The following COX7B2 variants were observed in gnomAD, a reference collection of about 807,000 sequenced individuals.
COX7B2 encodes cytochrome c oxidase subunit 7B2, also known as cytochrome c oxidase subunit 7B2, mitochondrial.
For missense variants in COX7B2, 109 were observed against 95.9 expected, an observed-to-expected ratio of 1.14 and a Z score of -0.57; for synonymous variants, 37 against 32.1, an observed-to-expected ratio of 1.15 and a Z score of -0.51.
Position 46,824,945 on chromosome 4 carries a change from G to A in COX7B2, c.-50+20015C>T, listed in dbSNP as rs1344978024. ...ACGTTATATTGAATAGGCAAACGCT[G>A]GAAGCATTCCCCTTGAAAACAGGCA... is the stretch of plus-strand genomic sequence containing the variant. On this transcript the variant is annotated intron_variant, in intron 2 of 2. Coordinates refer to ENST00000355591, the MANE Select transcript of COX7B2 (RefSeq NM_130902.3). Among the ~76,000 whole-genome samples, 5 of 152,134 alleles carry A rather than the reference G, an allele frequency of 3.3e-5. No individual in the cohort carries two copies. The East Asian group carries it at 9.7e-4, about 29-fold the overall frequency.
chr4:46,839,011 C>A (rs1442576266), intron 2 of COX7B2, among the ~76,000 whole-genome samples: 9 of 151,868 alleles, frequency 5.9e-5, no homozygotes, highest in Non-Finnish European at 1.2e-4. Context: ...AACATCAACT[C>A]ATTATAATTT....
intron 2 of COX7B2, among the ~76,000 whole-genome samples, chr4:46,759,968 C>A (rs189086973): frequency 6.6e-6 from 1 of 151,182 alleles, no homozygotes; most frequent in Non-Finnish European, 1.5e-5. Context: ...GTTATATACG[C>A]CTTATCTTAC....
At chr4:46,824,494 A>G in intron 2 of COX7B2, among the ~76,000 whole-genome samples, 1 of 152,116 alleles carries the variant, frequency 6.6e-6, no homozygotes, top group Non-Finnish European at 1.5e-5. Context: ...CTAACCTGTC[A>G]TGCTGCCGTA....
chr4:46,806,173 T>C (rs1389207565), intron 2 of COX7B2, among the ~76,000 whole-genome samples: 6 of 152,132 alleles, frequency 3.9e-5, no homozygotes, highest in Non-Finnish European at 8.8e-5. Context: ...GCCCTAAATA[T>C]GCCCCTGCAA....
At chr4:46,855,524 G>A (rs1411450252) in intron 1 of COX7B2, among the ~76,000 whole-genome samples, 7 of 151,730 alleles carry the variant, frequency 4.6e-5, no homozygotes, top group African/African-American at 1.7e-4. Flanking sequence ...AATTTTCATA[G>A]AAGAAAATAT....
intron 2 of COX7B2, among the ~76,000 whole-genome samples, chr4:46,799,929 C>T (rs887863755): frequency 2.0e-5 from 3 of 152,088 alleles, no homozygotes; most frequent in African/African-American, 7.2e-5. Context: ...TTTGTAGTAG[C>T]TCTTCTTTAT....
At chr4:46,743,148 G>T (rs764201735) in intron 2 of COX7B2, among the ~76,000 whole-genome samples, 1 of 152,092 alleles carries the variant, frequency 6.6e-6, no homozygotes, top group East Asian at 1.9e-4. Flanking sequence ...TTCTTATTTT[G>T]TTCATTATTA....
rs185857203 is a variant in COX7B2, at chr4:46,783,535, C to T, written c.-49-48294G>A. 1.5e-4 allele frequency among the ~76,000 whole-genome samples: 23 copies of T among 152,234 alleles called. No homozygotes were observed. The East Asian group carries it at 3.9e-3, about 26-fold the overall frequency. On this transcript the variant is annotated intron_variant, in intron 2 of 2. Transcript: ENST00000355591. Reference sequence around the variant, plus strand: ...TATTCTGACATTTTGAAAATAAGCTCACTGAATAAACCCTGGCTTTACTAA... The same window carrying T: ...TATTCTGACATTTTGAAAATAAGCTTACTGAATAAACCCTGGCTTTACTAA...
intron 2 of COX7B2, among the ~76,000 whole-genome samples, chr4:46,775,541 T>C (rs762852136): frequency 1.3e-5 from 2 of 152,090 alleles, no homozygotes; most frequent in Non-Finnish European, 2.9e-5. Flanking sequence ...TTTTGTCTAA[T>C]TGGGTCATAC....
At chr4:46,749,837 A>G (rs1423167942) in intron 2 of COX7B2, among the ~76,000 whole-genome samples, 1 of 152,214 alleles carries the variant, frequency 6.6e-6, no homozygotes, top group African/African-American at 2.4e-5. Context: ...GCACTCTAAC[A>G]CACTGGGAAT....
At chr4:46,803,048 C>A (rs1428278468) in intron 2 of COX7B2, among the ~76,000 whole-genome samples, 1 of 152,154 alleles carries the variant, frequency 6.6e-6, no homozygotes, top group Non-Finnish European at 1.5e-5. Context: ...TCCTTAGCAA[C>A]CAGTATCTGT....
intron 2 of COX7B2, among the ~76,000 whole-genome samples, chr4:46,802,203 CTT>C (rs1370772114): frequency 1.3e-5 from 2 of 152,096 alleles, no homozygotes; most frequent in Non-Finnish European, 2.9e-5. Flanking sequence ...AAAAAAGAGA[CTT>C]TGCTTCCTAC....
Position 46,740,695 on chromosome 4 carries a change from T to C in COX7B2, c.-49-5454A>G, listed in dbSNP as rs951103989. ...GTTAACTATTGATGGCAATGCTTAA[T>C]GAAAAAGAAAATAATGATCTAAATT... On this transcript the variant is annotated intron_variant, in intron 2 of 2. Coordinates refer to ENST00000355591, the MANE Select transcript of COX7B2 (RefSeq NM_130902.3). Among the ~76,000 whole-genome samples the C allele has an allele frequency of 1.1e-4, 16 of 151,756 alleles. No homozygotes were observed. The East Asian group carries it at 3.1e-3, about 29-fold the overall frequency.
intron 2 of COX7B2, among the ~76,000 whole-genome samples, chr4:46,831,120 C>T (rs1329863868): frequency 4.6e-5 from 7 of 152,134 alleles, no homozygotes; most frequent in African/African-American, 9.7e-5. Context: ...GCTTGGTGGG[C>T]CCCGCATTGG....
At chr4:46,746,084 C>T (rs1481610769) in intron 2 of COX7B2, among the ~76,000 whole-genome samples, 1 of 152,106 alleles carries the variant, frequency 6.6e-6, no homozygotes, top group African/African-American at 2.4e-5. Context: ...GGTAGGTTTT[C>T]TTATACAGAT....
In COX7B2 at chr4:46,825,091, A is replaced by T. The variant is rs868477843; in HGVS notation, c.-50+19869T>A. Among the ~76,000 whole-genome samples, 7 of 152,106 alleles carry T rather than the reference A, an allele frequency of 4.6e-5. No homozygotes were observed. The South Asian group carries it at 8.3e-4, about 18-fold the overall frequency. On this transcript the variant is annotated intron_variant, in intron 2 of 2. Coordinates refer to ENST00000355591, the MANE Select transcript of COX7B2 (RefSeq NM_130902.3). The stretch of plus-strand genomic sequence containing the variant: ...AATCCAAATATGAAGAAAGGAAGTC[A>T]AACTATCTCTGCAGATGACATGATT...
At chr4:46,748,970 C>T (rs1230982096) in intron 2 of COX7B2, among the ~76,000 whole-genome samples, 1 of 152,162 alleles carries the variant, frequency 6.6e-6, no homozygotes, top group Admixed American at 6.6e-5. Context: ...AAATACAGTA[C>T]ATCAAACTTC....
intron 2 of COX7B2, among the ~76,000 whole-genome samples, chr4:46,814,477 G>C (rs1464106964): frequency 1.3e-5 from 2 of 152,166 alleles, no homozygotes; most frequent in African/African-American, 4.8e-5. Flanking sequence ...TAGTCAACCT[G>C]AGTGCAAACT....
At chr4:46,905,816 T>TG (rs1720348932) in intron 1 of COX7B2, among the ~76,000 whole-genome samples, 1 of 101,674 alleles carries the variant, frequency 9.8e-6, no homozygotes, top group Admixed American at 9.1e-5. Flanking sequence ...ATATATTTCT[T>TG]TTTTTTTTTT....
Sources: allele counts gnomAD v4.1 joint callset (sites outside exome capture counted in the v4.1 genomes callset), GRCh38; gene constraint gnomAD v4.1.1; transcripts MANE v1.5; gene names NCBI Gene and HGNC (gene_info 2026-07-23, HGNC 2026-07-21).